The following SDHD variants were observed in gnomAD, a reference collection of about 807,000 sequenced individuals.
SDHD encodes the protein succinate dehydrogenase [ubiquinone] cytochrome b small subunit, mitochondrial.
Under a neutral mutation model 18.7 loss-of-function variants are expected in SDHD, and 6 were observed. That is an observed-to-expected ratio of 0.32 (90% CI 0.18 to 0.63). SDHD has a LOEUF of 0.63. Ranked by LOEUF, SDHD falls within the 30% of genes least tolerant of loss-of-function variation. The pLI, the probability that SDHD is intolerant of heterozygous loss-of-function variation, is 0.79. For missense variants in SDHD, 160 were observed against 192.7 expected (o/e 0.83, Z 1.00); for synonymous variants, 56 against 73.9 (o/e 0.76, Z 1.24).
chr11:112,092,881 G>A (rs1199870879), intron 3 of SDHD, among the ~76,000 whole-genome samples: 5 of 152,056 alleles, frequency 3.3e-5, no homozygotes, highest in Non-Finnish European at 5.9e-5. Flanking sequence ...GCTGTCAGTG[G>A]ATGAATAGCT....
chr11:112,094,972 C>G lies in SDHD; in HGVS notation c.*2C>G, dbSNP rs897689701. The G allele has an allele frequency of 1.9e-6, 3 of 1,610,154 alleles. No individual in the cohort carries two copies. In the African/African-American group the frequency reaches 4.0e-5, roughly 22 times the overall value. ...GTTGCCATGCTGTGGAAGCTCTGAC[C>G]TTTTTGACTTCATACTTTGAAGAAT... On this transcript the variant is annotated 3_prime_UTR_variant, in exon 4 of 4. Transcript: ENST00000375549.
At chr11:112,091,341 C>T (rs1185812979) in intron 3 of SDHD, among the ~76,000 whole-genome samples, 1 of 152,218 alleles carries the variant, frequency 6.6e-6, no homozygotes, top group African/African-American at 2.4e-5. Flanking sequence ...CTTGAAGTCT[C>T]AGCCGCCTTC....
At position 112,088,101 on chromosome 11, in the gene SDHD, C is replaced by T. The variant is rs1332922454; in HGVS notation, c.169+128C>T. ...GTGTCCAACTTTGTCAAATGAAGACCTAGTTTACACCTTTGGGCAGACAGT... is the reference window on the plus strand; with the variant it reads ...GTGTCCAACTTTGTCAAATGAAGACTTAGTTTACACCTTTGGGCAGACAGT... On this transcript the variant is annotated intron_variant, in intron 2 of 3. Coordinates refer to ENST00000375549, the MANE Select transcript of SDHD (RefSeq NM_003002.4). 5.2e-6 allele frequency: 4 copies of T among 775,692 alleles called. No homozygotes were observed. The East Asian group carries it at 9.7e-5, about 19-fold the overall frequency. 48.1% of individuals were successfully genotyped at this position (775,692 alleles called of 1,614,324 possible).
rs1258737461 is a variant in SDHD, at chr11:112,092,798, C to T, written c.315-2007C>T. ...CCCAAGAGAACTGAAAACGTGTCCA[C>T]GCAAAAAACTTGTACAGGAATGATC... On this transcript the variant is annotated intron_variant, in intron 3 of 3. Transcript: ENST00000375549. 6.6e-5 allele frequency among the ~76,000 whole-genome samples: 10 copies of T among 152,194 alleles called. No individual in the cohort carries two copies. In the East Asian group the frequency reaches 1.2e-3, roughly 18 times the overall value.
At position 112,094,975 on chromosome 11, in the gene SDHD, T is replaced by C. The variant is rs201987672; in HGVS notation, c.*5T>C. The C allele has an allele frequency of 2.7e-4, 439 of 1,610,506 alleles. No homozygotes were observed. Among genetic ancestry groups the C allele is most frequent in the Non-Finnish European group, 3.4e-4 (398 of 1,178,532 alleles). On this transcript the variant is annotated 3_prime_UTR_variant, in exon 4 of 4. Transcript: ENST00000375549. ...GCCATGCTGTGGAAGCTCTGACCTTTTTGACTTCATACTTTGAAGAATTGA... is the reference window on the plus strand; with the variant it reads ...GCCATGCTGTGGAAGCTCTGACCTTCTTGACTTCATACTTTGAAGAATTGA...
chr11:112,092,079 ACT>A (rs1002039990), intron 3 of SDHD, among the ~76,000 whole-genome samples: 19 of 152,080 alleles, frequency 1.2e-4, no homozygotes, highest in South Asian at 8.3e-4. Context: ...AAAAAACAAA[ACT>A]CTGAATCGGT....
Position 112,086,882 on chromosome 11 carries a change from G to A in SDHD, c.-26G>A. 1.2e-6 allele frequency: 2 copies of A among 1,614,208 alleles called. No homozygotes were observed. Among genetic ancestry groups the A allele is most frequent in the Non-Finnish European group, 1.7e-6 (2 of 1,180,026 alleles). On this transcript the variant is annotated 5_prime_UTR_variant, in exon 1 of 4. Transcript: ENST00000375549. Reference sequence around the variant, plus strand: ...TCGCCTAAGTGGTTCCGGGTTGGTGGATGACCTTGAGCCCTCAGGAACGAG... The same window carrying A: ...TCGCCTAAGTGGTTCCGGGTTGGTGAATGACCTTGAGCCCTCAGGAACGAG...
In SDHD at chr11:112,095,701, C is replaced by T. The variant is rs924916478; in HGVS notation, c.*731C>T. ...ACTATAAGTAATAAATTGTTATTTT[C>T]GCACAATGGGAATCTCTAATGTGAA... is the stretch of plus-strand genomic sequence containing the variant. On this transcript the variant is annotated 3_prime_UTR_variant, in exon 4 of 4. Coordinates refer to ENST00000375549, the MANE Select transcript of SDHD (RefSeq NM_003002.4). 2 of 218,934 alleles carry T rather than the reference C, an allele frequency of 9.1e-6. No homozygotes were observed. Among genetic ancestry groups the T allele is most frequent in the Non-Finnish European group, 1.8e-5 (2 of 109,540 alleles). 13.6% of individuals were successfully genotyped at this position (218,934 alleles called of 1,614,324 possible). A position where few individuals can be genotyped will look rare whatever the true frequency, so the allele number is the denominator to read the frequency against.
At chr11:112,092,401 C>T (rs1425695322) in intron 3 of SDHD, among the ~76,000 whole-genome samples, 2 of 152,174 alleles carry the variant, frequency 1.3e-5, no homozygotes, top group Non-Finnish European at 2.9e-5. Context: ...TCAGTTGTTG[C>T]TCTGTCCCCC....
At chr11:112,089,909 A>T (rs1456650630) in intron 3 of SDHD, among the ~76,000 whole-genome samples, 1 of 151,996 alleles carries the variant, frequency 6.6e-6, no homozygotes, top group Non-Finnish European at 1.5e-5. Flanking sequence ...ACCCAAATGT[A>T]TATCCCTAAA....
chr11:112,091,982 C>T (rs11214078), intron 3 of SDHD, among the ~76,000 whole-genome samples: 9,661 of 152,204 alleles, frequency 0.063, 451 homozygotes, highest in Middle Eastern at 0.099. Context: ...GCAGAAGAAC[C>T]GCTGGAACCC....
chr11:112,090,287 T>G (rs918857493), intron 3 of SDHD, among the ~76,000 whole-genome samples: 3 of 151,982 alleles, frequency 2.0e-5, no homozygotes, highest in African/African-American at 7.2e-5. Flanking sequence ...TTTTTTGTAT[T>G]TTTAGTAGAG....
In SDHD at chr11:112,095,308, A is replaced by G. The variant is rs1646695896; in HGVS notation, c.*338A>G. On this transcript the variant is annotated 3_prime_UTR_variant, in exon 4 of 4. Transcript: ENST00000375549. ...AGAATCCAACTTTATTACGATTAGTATATGATCAAACTTCCATATTTGCCT... is the reference window on the plus strand; with the variant it reads ...AGAATCCAACTTTATTACGATTAGTGTATGATCAAACTTCCATATTTGCCT... 2 of 374,042 alleles carry G rather than the reference A, an allele frequency of 5.3e-6. No individual in the cohort carries two copies. Among genetic ancestry groups the G allele is most frequent in the South Asian group, 3.3e-5 (1 of 29,856 alleles). The allele number at this position is 374,042 out of a possible 1,614,324, so 23.2% of individuals were successfully genotyped here. A position where few individuals can be genotyped will look rare whatever the true frequency, so the allele number is the denominator to read the frequency against.
At chr11:112,088,140 A>T (rs1865662080) in intron 2 of SDHD, 167 bp downstream of exon 2, 4 of 724,330 alleles carry the variant, frequency 5.5e-6, no homozygotes, top group Non-Finnish European at 1.0e-5. Context: ...ATTATGGTTG[A>T]ATGATGCCAT....
chr11:112,087,856 G>T lies in SDHD; in HGVS notation c.53-1G>T, dbSNP rs1291507545. 2 of 1,601,284 alleles carry T rather than the reference G, an allele frequency of 1.2e-6. No homozygotes were observed. The highest frequency in any genetic ancestry group is 8.6e-7 in the Non-Finnish European group (1 of 1,168,708). On this transcript the variant is annotated splice_acceptor_variant, in intron 1 of 3. Transcript: ENST00000375549. LOFTEE classifies it high-confidence loss of function. ...GATCATCCTAATGACTCTTTCCTCA[G>T]CTCTGTTGCTTCGAACTCCAGTGGT... is the stretch of plus-strand genomic sequence containing the variant.
At position 112,087,851 on chromosome 11, in the gene SDHD, C is replaced by T. The variant is rs757454290; in HGVS notation, c.53-6C>T. ...CTTATGATCATCCTAATGACTCTTTCCTCAGCTCTGTTGCTTCGAACTCCA... is the reference window on the plus strand; with the variant it reads ...CTTATGATCATCCTAATGACTCTTTTCTCAGCTCTGTTGCTTCGAACTCCA... On this transcript the variant is annotated splice_polypyrimidine_tract_variant and splice_region_variant and intron_variant, in intron 1 of 3. Coordinates refer to ENST00000375549, the MANE Select transcript of SDHD (RefSeq NM_003002.4). 3.8e-6 allele frequency: 6 copies of T among 1,590,850 alleles called. No individual in the cohort carries two copies. The South Asian group carries it at 5.5e-5, about 15-fold the overall frequency.
intron 2 of SDHD, 66 bp downstream of exon 2, chr11:112,088,039 C>T: frequency 8.9e-7 from 1 of 1,124,570 alleles, no homozygotes; most frequent in Non-Finnish European, 1.4e-6. Context: ...AATGGTCATG[C>T]CTTTAGCAGG....
chr11:112,094,437 AAAAC>A (rs916657122), intron 3 of SDHD, among the ~76,000 whole-genome samples: 4 of 151,936 alleles, frequency 2.6e-5, no homozygotes, highest in African/African-American at 9.7e-5. Flanking sequence ...AAGGAAATAA[AAAAC>A]AATTAGCCGG....
At chr11:112,090,784 C>G (rs1375661513) in intron 3 of SDHD, among the ~76,000 whole-genome samples, 2 of 151,764 alleles carry the variant, frequency 1.3e-5, no homozygotes, top group African/African-American at 4.8e-5. Flanking sequence ...CAACCTCTGC[C>G]TCCTGGGTTC....
Sources: gnomAD v4.1 joint callset for allele counts (sites outside exome capture counted in the v4.1 genomes callset) on GRCh38, gnomAD v4.1.1 for gene constraint, MANE v1.5 for transcripts, NCBI Gene and HGNC (gene_info 2026-07-23, HGNC 2026-07-21) for gene names.